The following ALDH3B2 variants were observed in gnomAD, a reference collection of about 807,000 sequenced individuals.
ALDH3B2 encodes the protein aldehyde dehydrogenase family 3 member B2.
ALDH3B2 carries 45 observed loss-of-function variants against 36.7 expected under a neutral mutation model. That is an observed-to-expected ratio of 1.23 (90% CI 0.97 to 1.57). The LOEUF is 1.57. ALDH3B2 is among the 40% of genes most tolerant of loss of function. ALDH3B2 has a pLI of 0.00. For synonymous variants in ALDH3B2, 217 were observed against 226.5 expected (o/e 0.96, Z 0.38); for missense variants, 464 against 513.3 (o/e 0.90, Z 0.93).
intron 2 of ALDH3B2, 114 bp from the exon 3 acceptor site, chr11:67,667,130 C>T (rs966913901): frequency 7.9e-6 from 5 of 630,408 alleles, no homozygotes; most frequent in African/African-American, 7.3e-5. Context: ...AAATACAGCT[C>T]CTATGGGAGG....
At chr11:67,673,091 C>T (rs954669177) in intron 1 of ALDH3B2, among the ~76,000 whole-genome samples, 13 of 152,032 alleles carry the variant, frequency 8.6e-5, no homozygotes, top group Admixed American at 4.6e-4. Context: ...CCACCACACC[C>T]AGCTTATTTT....
At chr11:67,673,990 G>T (rs1288664888) in intron 1 of ALDH3B2, among the ~76,000 whole-genome samples, 20 of 152,204 alleles carry the variant, frequency 1.3e-4, no homozygotes, top group Non-Finnish European at 1.5e-5. Flanking sequence ...TGAAACCAAA[G>T]ATCCGACTTT....
Position 67,666,650 on chromosome 11 carries a change from G to A in ALDH3B2, c.75C>T (p.Gly25=), listed in dbSNP as rs139106840. ...TCCAGGGTGCGATGATGAGGACCAG[G>A]CCAAAGGGTTCCTTCCAGATGAAGA... Residue 25 remains glycine, a synonymous_variant, in exon 4 of 10, where the codon GGC becomes GGT. Transcript: ENST00000349015. 3.2e-4 allele frequency: 519 copies of A among 1,614,174 alleles called. 2 individuals carry two copies. In the African/African-American group the frequency reaches 6.3e-3, roughly 20 times the overall value.
chr11:67,663,188 G>C (rs1242488135), exon 10 of ALDH3B2: 8 of 1,579,802 alleles, frequency 5.1e-6, no homozygotes, highest in Non-Finnish European at 6.9e-6. Flanking sequence ...GTTTCTCTGT[G>C]TGACCCGTTG....
chr11:67,666,475 G>A (rs1855916578), intron 4 of ALDH3B2, 74 bp from the exon 5 acceptor site: 2 of 1,602,406 alleles, frequency 1.2e-6, no homozygotes, highest in African/African-American at 1.3e-5. Context: ...GGCTCAGAGG[G>A]CATGTGAGGC....
upstream of ALDH3B2, among the ~76,000 whole-genome samples, chr11:67,678,580 G>C (rs1253748038): frequency 6.6e-6 from 1 of 151,136 alleles, no homozygotes; most frequent in South Asian, 2.1e-4. Context: ...CATGACCAAA[G>C]AAACTATGAT....
chr11:67,671,135 G>A (rs1490391497), intron 1 of ALDH3B2: 4 of 152,424 alleles, frequency 2.6e-5, no homozygotes, highest in African/African-American at 9.6e-5. Flanking sequence ...GATTGGAGGA[G>A]TCTGGGATGA....
chr11:67,670,379 G>A (rs571516171), intron 1 of ALDH3B2, among the ~76,000 whole-genome samples: 5 of 152,024 alleles, frequency 3.3e-5, no homozygotes, highest in African/African-American at 9.7e-5. Flanking sequence ...GTGTGTCTGC[G>A]TGTGGACTTG....
upstream of ALDH3B2, among the ~76,000 whole-genome samples, chr11:67,676,106 G>A (rs902074305): frequency 2.0e-5 from 3 of 152,140 alleles, no homozygotes; most frequent in Admixed American, 1.3e-4. Context: ...AATTAGCCAG[G>A]CGTGGTGGCA....
chr11:67,678,753 A>T (rs999035138), upstream of ALDH3B2, among the ~76,000 whole-genome samples: 4 of 150,630 alleles, frequency 2.7e-5, no homozygotes, highest in African/African-American at 9.8e-5. Context: ...ACATACTATG[A>T]TATATATACA....
chr11:67,664,143 C>T (rs572949953), intron 8 of ALDH3B2: 1 of 612,888 alleles, frequency 1.6e-6, no homozygotes. Flanking sequence ...TGTGCAGAAC[C>T]TTTGCACAGT....
intron 1 of ALDH3B2, among the ~76,000 whole-genome samples, chr11:67,672,273 G>A (rs1422935001): frequency 2.0e-5 from 3 of 149,808 alleles, no homozygotes; most frequent in East Asian, 2.0e-4. Flanking sequence ...TCAGCCTCCC[G>A]AATAGCTGAA....
At chr11:67,671,319 C>T (rs144808198) in intron 1 of ALDH3B2, 42 of 152,406 alleles carry the variant, frequency 2.8e-4, no homozygotes, top group African/African-American at 9.9e-4. Flanking sequence ...GAGCCAGCAG[C>T]ATCTGCCTGA....
chr11:67,663,006 C>A, exon 10 of ALDH3B2: 1 of 622,398 alleles, frequency 1.6e-6, no homozygotes, highest in South Asian at 2.0e-5. Context: ...TGTTCTGCGG[C>A]CTCTTGGCCT....
intron 1 of ALDH3B2, among the ~76,000 whole-genome samples, chr11:67,670,624 C>T (rs1856080865): frequency 6.6e-6 from 1 of 152,178 alleles, no homozygotes; most frequent in African/African-American, 2.4e-5. Context: ...TGGCAGAAGT[C>T]CGTGTCTTGT....
intron 1 of ALDH3B2, among the ~76,000 whole-genome samples, chr11:67,673,316 A>G (rs1433970320): frequency 6.6e-6 from 1 of 152,158 alleles, no homozygotes; most frequent in Non-Finnish European, 1.5e-5. Flanking sequence ...TGGGTCCCAT[A>G]GGTGACCACC....
chr11:67,680,499 C>T (rs1009669934), intron 1 of ALDH3B2, among the ~76,000 whole-genome samples: 2 of 152,180 alleles, frequency 1.3e-5, no homozygotes, highest in East Asian at 1.9e-4. Flanking sequence ...TCACTGCCAC[C>T]TCTGCCTCCT....
exon 7 of ALDH3B2, chr11:67,665,564 C>T (rs769140694): frequency 1.4e-5 from 23 of 1,613,958 alleles, no homozygotes; most frequent in African/African-American, 5.3e-5. Flanking sequence ...GTCTGGGGGT[C>T]GCAGTTGTCG....
upstream of ALDH3B2, among the ~76,000 whole-genome samples, chr11:67,676,705 C>A: frequency 6.6e-6 from 1 of 151,978 alleles, no homozygotes; most frequent in East Asian, 1.9e-4. Context: ...AGATCATTTG[C>A]AAGATTAACC....
Sources: allele counts gnomAD v4.1 joint callset (sites outside exome capture counted in the v4.1 genomes callset), GRCh38; gene constraint gnomAD v4.1.1; transcripts MANE v1.5; gene names NCBI Gene and HGNC (gene_info 2026-07-23, HGNC 2026-07-21).